Variants in TSHZ2 observed in about 807,000 individuals in gnomAD.
The protein encoded by TSHZ2 is teashirt zinc finger homeobox 2.
TSHZ2 carries 21 observed loss-of-function variants against 74.4 expected under a neutral mutation model. That is an observed-to-expected ratio of 0.28 (90% CI 0.20 to 0.41). TSHZ2 has a LOEUF of 0.41. Among genes scored for constraint, TSHZ2 ranks in the 10% least tolerant of loss-of-function variants. The pLI is 1.00. For synonymous variants in TSHZ2, 540 were observed against 515.3 expected, an observed-to-expected ratio of 1.05 and a Z score of -0.65; for missense variants, 1,244 against 1,293.5, an observed-to-expected ratio of 0.96 and a Z score of 0.59.
chr20:53,055,992 T>C (rs6068444), intron 1 of TSHZ2, among the ~76,000 whole-genome samples: 20,620 of 152,226 alleles, frequency 0.14, 2,086 homozygotes, highest in African/African-American at 0.29. Context: ...CCTAAGACTT[T>C]TCCATTGCTA....
At chr20:53,197,035 C>T (rs964003522) in intron 1 of TSHZ2, among the ~76,000 whole-genome samples, 3 of 152,328 alleles carry the variant, frequency 2.0e-5, no homozygotes, top group Middle Eastern at 3.4e-3. Context: ...TCTCCATAAT[C>T]GGTAATTTTT....
At chr20:53,297,395 G>A (rs913170392) in intron 2 of TSHZ2, among the ~76,000 whole-genome samples, 21 of 151,986 alleles carry the variant, frequency 1.4e-4, no homozygotes. Context: ...GACCACAGGT[G>A]TGCACCACCA....
At chr20:53,152,543 G>T (rs981461139) in intron 1 of TSHZ2, among the ~76,000 whole-genome samples, 4 of 152,116 alleles carry the variant, frequency 2.6e-5, no homozygotes, top group Non-Finnish European at 4.4e-5. Context: ...GACCAGGGGT[G>T]GCCAATCAGA....
intron 1 of TSHZ2, among the ~76,000 whole-genome samples, chr20:53,028,376 A>G (rs917779819): frequency 6.6e-6 from 1 of 152,222 alleles, no homozygotes; most frequent in African/African-American, 2.4e-5. Flanking sequence ...CCTTGTTTCA[A>G]TTAAGAGCAA....
At chr20:53,124,533 C>T (rs1015630835) in intron 1 of TSHZ2, among the ~76,000 whole-genome samples, 3 of 152,180 alleles carry the variant, frequency 2.0e-5, no homozygotes, top group Admixed American at 1.3e-4. Context: ...CATGCATCAT[C>T]GACATGACCA....
chr20:53,305,223 C>T (rs919846149), intron 2 of TSHZ2, among the ~76,000 whole-genome samples: 12 of 152,200 alleles, frequency 7.9e-5, no homozygotes, highest in Non-Finnish European at 1.6e-4. Context: ...CAGGCATGAG[C>T]CACCGCGCCT....
At chr20:53,149,808 T>C (rs1489756842) in intron 1 of TSHZ2, among the ~76,000 whole-genome samples, 3 of 152,220 alleles carry the variant, frequency 2.0e-5, no homozygotes, top group Non-Finnish European at 4.4e-5. Context: ...GGCAGGCTCC[T>C]TCTCCAAAGA....
At chr20:53,345,048 C>T (rs1980383656) in intron 2 of TSHZ2, among the ~76,000 whole-genome samples, 1 of 152,170 alleles carries the variant, frequency 6.6e-6, no homozygotes, top group African/African-American at 2.4e-5. Flanking sequence ...TGAATCCTAG[C>T]AAGTTCAGCA....
chr20:53,092,610 C>A (rs1027438332), intron 1 of TSHZ2, among the ~76,000 whole-genome samples: 2 of 152,186 alleles, frequency 1.3e-5, no homozygotes, highest in African/African-American at 4.8e-5. Flanking sequence ...GGAAACATTT[C>A]TCTCCCAGTT....
rs538822804 is a variant in TSHZ2, at chr20:53,427,100, A to G, written c.*9-60044A>G. Reference sequence around the variant, plus strand: ...CGCCGTGAAGCTCGCCTGCCTTGTCATTGCAGATAGGTCAGGAATGTTTTA... The same window carrying G: ...CGCCGTGAAGCTCGCCTGCCTTGTCGTTGCAGATAGGTCAGGAATGTTTTA... On this transcript the variant is annotated intron_variant, in intron 2 of 2. Coordinates refer to ENST00000371497, the MANE Select transcript of TSHZ2 (RefSeq NM_173485.6). Among the ~76,000 whole-genome samples, 3 of 152,310 alleles carry G rather than the reference A, an allele frequency of 2.0e-5. No individual in the cohort carries two copies. The East Asian group carries it at 5.8e-4, about 29-fold the overall frequency.
At chr20:53,391,241 G>A (rs1374622123) in intron 2 of TSHZ2, among the ~76,000 whole-genome samples, 1 of 152,084 alleles carries the variant, frequency 6.6e-6, no homozygotes, top group Non-Finnish European at 1.5e-5. Context: ...CCGCCTCCTG[G>A]GTTCACACCA....
Position 53,137,710 on chromosome 20 carries a change from C to T in TSHZ2, c.41-115789C>T, listed in dbSNP as rs577851970. ...TCGCCCTCTAGCTGATCTCTGTGCACGTAGCCCCTTTAATCCATTCTTCTT... is the reference window on the plus strand; with the variant it reads ...TCGCCCTCTAGCTGATCTCTGTGCATGTAGCCCCTTTAATCCATTCTTCTT... On this transcript the variant is annotated intron_variant, in intron 1 of 2. Coordinates refer to ENST00000371497, the MANE Select transcript of TSHZ2 (RefSeq NM_173485.6). Among the ~76,000 whole-genome samples the T allele has an allele frequency of 2.1e-3, 323 of 152,240 alleles. 3 individuals carry two copies. Among genetic ancestry groups the T allele is most frequent in the South Asian group, 0.016 (75 of 4,818 alleles).
chr20:53,393,004 T>C (rs1982316801), intron 2 of TSHZ2, among the ~76,000 whole-genome samples: 1 of 152,130 alleles, frequency 6.6e-6, no homozygotes, highest in Non-Finnish European at 1.5e-5. Flanking sequence ...AGATAGTTTT[T>C]GTATTTTTAG....
intron 1 of TSHZ2, among the ~76,000 whole-genome samples, chr20:53,148,682 T>C (rs757748384): frequency 3.9e-5 from 6 of 152,078 alleles, no homozygotes; most frequent in Non-Finnish European, 7.4e-5. Flanking sequence ...AAAAAATATA[T>C]AGATAAAGAA....
At chr20:53,364,223 A>C (rs1374281655) in intron 2 of TSHZ2, among the ~76,000 whole-genome samples, 1 of 152,184 alleles carries the variant, frequency 6.6e-6, no homozygotes, top group Non-Finnish European at 1.5e-5. Context: ...TCAGCTCAAC[A>C]AGGACCGCCG....
At chr20:53,445,616 A>G (rs1166857759) in intron 2 of TSHZ2, among the ~76,000 whole-genome samples, 1 of 152,198 alleles carries the variant, frequency 6.6e-6, no homozygotes, top group African/African-American at 2.4e-5. Flanking sequence ...GGCCAATTCG[A>G]AGATGTCCAG....
intron 2 of TSHZ2, among the ~76,000 whole-genome samples, chr20:53,411,254 A>G (rs996600199): frequency 1.3e-5 from 2 of 152,278 alleles, no homozygotes; most frequent in Non-Finnish European, 2.9e-5. Flanking sequence ...CATGATGTGG[A>G]GTCCCAGGGG....
chr20:52,977,279 G>A (rs547940314), intron 1 of TSHZ2, among the ~76,000 whole-genome samples: 3 of 152,068 alleles, frequency 2.0e-5, no homozygotes, highest in African/African-American at 4.8e-5. Context: ...ACTAGGAATC[G>A]GGTAGATTTG....
At chr20:53,331,410 G>C (rs1336342481) in intron 2 of TSHZ2, among the ~76,000 whole-genome samples, 1 of 152,110 alleles carries the variant, frequency 6.6e-6, no homozygotes, top group Non-Finnish European at 1.5e-5. Context: ...ACCTGGTGGG[G>C]GCCAGGAGAT....
Sources: allele counts gnomAD v4.1 joint callset (sites outside exome capture counted in the v4.1 genomes callset), GRCh38; gene constraint gnomAD v4.1.1; transcripts MANE v1.5; gene names NCBI Gene and HGNC (gene_info 2026-07-23, HGNC 2026-07-21).